The following NISCH variants were observed in gnomAD, a reference collection of about 807,000 sequenced individuals.
NISCH encodes nischarin.
A neutral mutation model predicts 138.4 loss-of-function variants in NISCH; 55 were observed. The ratio of observed to expected loss-of-function variants is 0.40; its 90% confidence interval spans 0.32 to 0.50. The LOEUF (loss-of-function observed/expected upper bound fraction) is 0.50, where lower values mean the gene tolerates loss of function less well. NISCH is among the 20% of genes least tolerant of loss of function. The probability of loss-of-function intolerance (pLI) is 0.71; values close to 1 mark genes in which losing one functional copy is unlikely to be tolerated. For synonymous variants in NISCH, 860 were observed against 861.5 expected (o/e 1.00, Z 0.03); for missense variants, 1,643 against 2,005.5 (o/e 0.82, Z 3.45).
Position 52,471,819 on chromosome 3 carries a change from C to G in NISCH, c.415C>G (p.Gln139Glu), listed in dbSNP as rs781367466. The change falls in exon 5 of 21, where the codon CAG (glutamine) becomes GAG (glutamate). Residue 139 changes from glutamine (Q) to glutamate (E), a missense_variant. Gln to Glu is a conservative substitution (Grantham distance 29). Transcript: ENST00000345716. ...LAEELFEKGE[Q>E]LLGAGEVFAI... is the part of the protein sequence containing the mutation. ...TCAGGGCATGGCTCTTGCAGGAGAA[C>G]AGCTCCTGGGGGCCGGCGAGGTCTT... is the stretch of plus-strand genomic sequence containing the variant. The G allele has an allele frequency of 1.2e-6, 2 of 1,614,052 alleles. No homozygotes were observed. Among genetic ancestry groups the G allele is most frequent in the Non-Finnish European group, 1.7e-6 (2 of 1,179,982 alleles).
chr3:52,484,462 T>TGGGGCC, intron 13 of NISCH, 51 bp from the exon 14 acceptor site: 98 of 788,660 alleles, frequency 1.2e-4, no homozygotes, highest in Non-Finnish European at 1.5e-4. Flanking sequence ...ACAGCCGCTC[T>TGGGGCC]CCCCGCCCCA....
chr3:52,459,883 T>TA (rs1305503288), intron 3 of NISCH, among the ~76,000 whole-genome samples: 55 of 143,700 alleles, frequency 3.8e-4, no homozygotes, highest in South Asian at 6.7e-4. Flanking sequence ...TAGAAGAGGT[T>TA]AAAAAAAAAA....
chr3:52,458,577 C>T (rs1002180913), intron 2 of NISCH, 85 bp from the exon 3 acceptor site: 4 of 1,189,248 alleles, frequency 3.4e-6, no homozygotes, highest in Admixed American at 2.3e-5. Flanking sequence ...TGCTGACAAG[C>T]GCCTGCCCTC....
intron 5 of NISCH, among the ~76,000 whole-genome samples, 159 bp from the exon 6 acceptor site, chr3:52,472,144 G>A (rs1706968167): frequency 6.6e-6 from 1 of 152,188 alleles, no homozygotes; most frequent in South Asian, 2.1e-4. Context: ...GCACCAGGGG[G>A]CGGTCGTGAC....
At chr3:52,469,440 C>T (rs552459083) in intron 3 of NISCH, among the ~76,000 whole-genome samples, 91 of 152,306 alleles carry the variant, frequency 6.0e-4, no homozygotes, top group Non-Finnish European at 1.0e-3. Context: ...TTGTCCACCT[C>T]AGGTTGTTCA....
chr3:52,465,349 C>T (rs183733474), intron 3 of NISCH, among the ~76,000 whole-genome samples: 3 of 152,198 alleles, frequency 2.0e-5, no homozygotes, highest in South Asian at 2.1e-4. Context: ...AGGCTGGTCT[C>T]GAACTCCTGG....
chr3:52,475,297 T>G (rs771761023), intron 7 of NISCH, among the ~76,000 whole-genome samples: 1 of 152,208 alleles, frequency 6.6e-6, no homozygotes. Flanking sequence ...CTCACTGTCT[T>G]GCTGAAGGAG....
At position 52,484,553 on chromosome 3, in the gene NISCH, C is replaced by CT. The variant is rs1707359564; in HGVS notation, c.1570dup (p.Ser524PhefsTer4). On this transcript the variant is annotated frameshift_variant, in exon 14 of 21. Coordinates refer to ENST00000345716, the MANE Select transcript of NISCH (RefSeq NM_007184.4). LOFTEE classifies it high-confidence loss of function. ...AGGAGGAGGCCCTGGCCAGCAGCCT[C>CT]TCGTCCACTGACAGTCTGACTCCCG... 1 of 1,613,372 alleles carries CT rather than the reference C, an allele frequency of 6.2e-7. No individual in the cohort carries two copies. Among genetic ancestry groups the CT allele is most frequent in the African/African-American group, 1.3e-5 (1 of 74,728 alleles).
At chr3:52,489,729 G>A (rs1356843382) in intron 17 of NISCH, 51 bp downstream of exon 17, 2 of 1,573,818 alleles carry the variant, frequency 1.3e-6, no homozygotes, top group South Asian at 1.2e-5. Context: ...TCCTGAGGGC[G>A]AGGCCAAGCT....
At chr3:52,491,824 C>T (rs1406536025) in intron 20 of NISCH, 48 bp from the exon 21 acceptor site, 2 of 1,528,952 alleles carry the variant, frequency 1.3e-6, no homozygotes, top group African/African-American at 2.8e-5. Flanking sequence ...CTCCCAGCCC[C>T]ACCAGGGGCC....
At chr3:52,490,025 T>A in intron 17 of NISCH, 50 bp from the exon 18 acceptor site, 3 of 1,607,514 alleles carry the variant, frequency 1.9e-6, no homozygotes, top group Non-Finnish European at 2.5e-6. Context: ...GTCCCTGGTA[T>A]GTGCAGGTTG....
At chr3:52,460,526 C>T (rs2153230633) in intron 3 of NISCH, among the ~76,000 whole-genome samples, 2 of 152,010 alleles carry the variant, frequency 1.3e-5, no homozygotes, top group East Asian at 3.9e-4. Flanking sequence ...CTCAACTTCC[C>T]AAGTAGCTGG....
At chr3:52,474,430 G>A (rs551407149) in intron 7 of NISCH, among the ~76,000 whole-genome samples, 17 of 152,102 alleles carry the variant, frequency 1.1e-4, no homozygotes, top group Non-Finnish European at 1.9e-4. Flanking sequence ...CCAAGTAGCT[G>A]GGACTACAGG....
At chr3:52,470,220 G>A (rs1706906639) in intron 3 of NISCH, among the ~76,000 whole-genome samples, 1 of 152,182 alleles carries the variant, frequency 6.6e-6, no homozygotes, top group Admixed American at 6.5e-5. Flanking sequence ...TATGACTGGG[G>A]GCTTGGCCTT....
chr3:52,463,084 G>T (rs1431659080), intron 3 of NISCH, among the ~76,000 whole-genome samples: 1 of 150,222 alleles, frequency 6.7e-6, no homozygotes, highest in Non-Finnish European at 1.5e-5. Context: ...AGCCCAAAAA[G>T]GAACCTGTAC....
At chr3:52,479,371 G>A (rs930383231) in intron 11 of NISCH, among the ~76,000 whole-genome samples, 2 of 152,140 alleles carry the variant, frequency 1.3e-5, no homozygotes, top group Non-Finnish European at 2.9e-5. Flanking sequence ...TCTTTTGAGA[G>A]TCTGCCTCCC....
chr3:52,477,957 T>C (rs1228467082), intron 9 of NISCH, 140 bp from the exon 10 acceptor site: 1 of 896,254 alleles, frequency 1.1e-6, no homozygotes, highest in East Asian at 2.4e-5. Context: ...AAGAGGGACT[T>C]CCCTTCCTAA....
At chr3:52,472,017 C>A in intron 5 of NISCH, 40 bp downstream of exon 5, 1 of 1,536,806 alleles carries the variant, frequency 6.5e-7, no homozygotes, top group Non-Finnish European at 8.8e-7. Context: ...GCCCCGCAGT[C>A]GGTGGGGGTG....
chr3:52,489,228 C>G (rs916833586), intron 16 of NISCH, 108 bp from the exon 17 acceptor site: 6 of 1,355,894 alleles, frequency 4.4e-6, no homozygotes, highest in Middle Eastern at 1.9e-4. Context: ...CCCCAGTAAC[C>G]CAGAGGTGAT....
Sources: allele counts gnomAD v4.1 joint callset (sites outside exome capture counted in the v4.1 genomes callset), GRCh38; gene constraint gnomAD v4.1.1; transcripts MANE v1.5; gene names NCBI Gene and HGNC (gene_info 2026-07-23, HGNC 2026-07-21).